PTPRD: variants seen among roughly 807,000 people sequenced by gnomAD.
PTPRD encodes the protein protein tyrosine phosphatase receptor type D.
Under a neutral mutation model 214.5 loss-of-function variants are expected in PTPRD, and 34 were observed. The observed-to-expected ratio is 0.16, with a 90% CI of 0.12 to 0.21. PTPRD has a LOEUF of 0.21. Among genes scored for constraint, PTPRD ranks in the 10% least tolerant of loss-of-function variants. PTPRD has a pLI of 1.00. For missense variants in PTPRD, 2,545 were observed against 2,398.7 expected, an observed-to-expected ratio of 1.06 and a Z score of -1.27; for synonymous variants, 1,128 against 845.7, an observed-to-expected ratio of 1.33 and a Z score of -5.79.
chr9:9,265,167 T>A (rs1938678604), intron 9 of PTPRD, among the ~76,000 whole-genome samples: 1 of 151,734 alleles, frequency 6.6e-6, no homozygotes, highest in African/African-American at 2.4e-5. Context: ...ATGTAAATCA[T>A]TTTTAACTTT....
At chr9:10,074,678 C>T (rs902693590) in intron 3 of PTPRD, among the ~76,000 whole-genome samples, 9 of 152,078 alleles carry the variant, frequency 5.9e-5, no homozygotes, top group African/African-American at 2.2e-4. Context: ...TCCTCTGTAC[C>T]AGCTCTGATT....
intron 11 of PTPRD, among the ~76,000 whole-genome samples, chr9:9,014,890 T>G (rs2099527939): frequency 6.6e-6 from 1 of 152,156 alleles, no homozygotes; most frequent in Non-Finnish European, 1.5e-5. Context: ...AATACAATAT[T>G]TATTTCATTG....
chr9:10,467,984 TA>T (rs2099005598), intron 2 of PTPRD, among the ~76,000 whole-genome samples: 1 of 152,100 alleles, frequency 6.6e-6, no homozygotes, highest in African/African-American at 2.4e-5. Flanking sequence ...TGGCAACCAT[TA>T]AAAAGTCAGG....
At chr9:9,155,388 T>G (rs1490557354) in intron 10 of PTPRD, among the ~76,000 whole-genome samples, 1 of 152,138 alleles carries the variant, frequency 6.6e-6, no homozygotes, top group East Asian at 1.9e-4. Flanking sequence ...AAGAAATGCT[T>G]ACACTTGAGG....
At chr9:10,178,671 T>G (rs978248062) in intron 3 of PTPRD, among the ~76,000 whole-genome samples, 3 of 152,006 alleles carry the variant, frequency 2.0e-5, no homozygotes, top group Non-Finnish European at 4.4e-5. Context: ...AGAGTTCAGA[T>G]ACATCAGGAT....
chr9:10,211,504 C>T (rs2099516767), intron 3 of PTPRD, among the ~76,000 whole-genome samples: 1 of 152,234 alleles, frequency 6.6e-6, no homozygotes, highest in Admixed American at 6.5e-5. Flanking sequence ...CAGCATGTGT[C>T]ACTCAATAAA....
At position 8,485,153 on chromosome 9, in the gene PTPRD, G is replaced by A. The variant is rs139221909; in HGVS notation, c.3153+74C>T. The A allele has an allele frequency of 8.7e-3, 11,182 of 1,281,826 alleles. 69 individuals carry two copies. The highest frequency in any genetic ancestry group is 0.011 in the Non-Finnish European group (9,500 of 895,552). 79.4% of individuals were successfully genotyped at this position (1,281,826 alleles called of 1,614,324 possible). Reference sequence around the variant, plus strand: ...CAAAACAAAGTGGTCTGCTTGCTGTGCAAATAACTTACCCAGATAAACTGT... The same window carrying A: ...CAAAACAAAGTGGTCTGCTTGCTGTACAAATAACTTACCCAGATAAACTGT... On this transcript the variant is annotated intron_variant, in intron 29 of 45. Transcript: ENST00000381196.
intron 2 of PTPRD, among the ~76,000 whole-genome samples, chr9:10,460,370 A>AT (rs202020963): frequency 3.8e-4 from 58 of 151,024 alleles, no homozygotes; most frequent in African/African-American, 1.1e-3. Flanking sequence ...ACAAAAATAG[A>AT]TAAAAAAACC....
chr9:10,053,446 T>C (rs1475240925), intron 3 of PTPRD, among the ~76,000 whole-genome samples: 1 of 152,084 alleles, frequency 6.6e-6, no homozygotes, highest in Non-Finnish European at 1.5e-5. Flanking sequence ...AAATATTTCA[T>C]GAGGAACGTG....
At chr9:8,782,633 C>T (rs1179581777) in intron 11 of PTPRD, among the ~76,000 whole-genome samples, 12 of 147,956 alleles carry the variant, frequency 8.1e-5, no homozygotes, top group South Asian at 4.2e-4. Context: ...AGTCTCGCCC[C>T]GTTGCCCAGG....
rs36178647 is a variant in PTPRD, at chr9:9,676,611, T to G, written c.-287+57922A>C. Among the ~76,000 whole-genome samples the G allele has an allele frequency of 8.1e-3, 1,226 of 152,128 alleles. 5 individuals are homozygous for G. The highest frequency in any genetic ancestry group is 1.0e-2 in the African/African-American group (415 of 41,504). On this transcript the variant is annotated intron_variant, in intron 7 of 45. Transcript: ENST00000381196. ...TACATGTGCATGTGTCTTTATAGCA[T>G]CATGATTTATAATCCTTTGGGTATA... is the stretch of plus-strand genomic sequence containing the variant.
At chr9:9,772,951 G>C (rs1363574629) in intron 5 of PTPRD, among the ~76,000 whole-genome samples, 1 of 152,090 alleles carries the variant, frequency 6.6e-6, no homozygotes. Flanking sequence ...ATTTATGCTA[G>C]TCCCCTTCTT....
intron 34 of PTPRD, chr9:8,437,331 A>C: frequency 9.5e-7 from 1 of 1,047,620 alleles, no homozygotes; most frequent in Non-Finnish European, 1.4e-6. Context: ...TTTTAAAAGG[A>C]CTAATTAAAA....
At chr9:9,061,172 T>C (rs1346680061) in intron 10 of PTPRD, among the ~76,000 whole-genome samples, 3 of 152,186 alleles carry the variant, frequency 2.0e-5, no homozygotes, top group Non-Finnish European at 4.4e-5. Context: ...CATGGTTACC[T>C]GGGCTATTCA....
At chr9:10,132,854 AG>A (rs2098907688) in intron 3 of PTPRD, among the ~76,000 whole-genome samples, 1 of 152,138 alleles carries the variant, frequency 6.6e-6, no homozygotes, top group Admixed American at 6.6e-5. Context: ...GACACCAAGG[AG>A]CCCTTCCTTC....
chr9:9,650,767 C>A (rs904637441), intron 7 of PTPRD, among the ~76,000 whole-genome samples: 1 of 151,668 alleles, frequency 6.6e-6, no homozygotes, highest in African/African-American at 2.4e-5. Context: ...ACATGTACCT[C>A]TGAACTTGAA....
intron 10 of PTPRD, among the ~76,000 whole-genome samples, chr9:9,067,247 A>G (rs1238158727): frequency 6.6e-6 from 1 of 152,208 alleles, no homozygotes; most frequent in Non-Finnish European, 1.5e-5. Flanking sequence ...AAACAGACAA[A>G]CAAACAAACA....
At chr9:9,023,463 G>A (rs772518266) in intron 10 of PTPRD, among the ~76,000 whole-genome samples, 2 of 151,854 alleles carry the variant, frequency 1.3e-5, no homozygotes, top group African/African-American at 4.8e-5. Context: ...GGATTACTTG[G>A]ACCGAAACAC....
intron 7 of PTPRD, among the ~76,000 whole-genome samples, chr9:9,710,066 G>C (rs1377390563): frequency 2.0e-5 from 3 of 151,772 alleles, no homozygotes; most frequent in African/African-American, 7.3e-5. Flanking sequence ...AAATAGAATA[G>C]GTCTCTGCCA....
Sources: allele counts gnomAD v4.1 joint callset (sites outside exome capture counted in the v4.1 genomes callset), GRCh38; gene constraint gnomAD v4.1.1; transcripts MANE v1.5; gene names NCBI Gene and HGNC (gene_info 2026-07-23, HGNC 2026-07-21).